CLN3: variants seen among roughly 807,000 people sequenced by gnomAD.
CLN3 encodes the protein battenin.
CLN3 carries 49 observed loss-of-function variants against 60.7 expected under a neutral mutation model. The ratio of observed to expected loss-of-function variants is 0.81; its 90% CI spans 0.64 to 1.02. The LOEUF (loss-of-function observed/expected upper bound fraction) is 1.02. Among genes scored for constraint, CLN3 ranks in the 50% least tolerant of loss-of-function variants. The pLI, the probability that CLN3 is intolerant of heterozygous loss-of-function variation, is 0.00. For missense variants in CLN3, 516 were observed against 557.4 expected (o/e 0.93, Z 0.75); for synonymous variants, 256 against 245.8 (o/e 1.04, Z -0.39).
At chr16:28,489,246 C>T (rs751504780) in intron 4 of CLN3, 44 bp downstream of exon 4, 2 of 1,485,280 alleles carry the variant, frequency 1.3e-6, no homozygotes, top group South Asian at 2.3e-5. Context: ...CCCTCATCTT[C>T]CCACAGGGAC....
Position 28,488,650 on chromosome 16 carries a change from G to C in CLN3, c.235C>G (p.Pro79Ala). The part of the protein sequence containing the change: ...SGNQSHVDPG[P>A]TPIPHNSSSR... ...GAGCTGTTGTGGGGGATCGGCGTTG[G>C]GCCTGGGTCCACCTAATGGGAGAAA... Residue 79 changes from proline to alanine, a missense_variant, in exon 5 of 16, where the codon CCA becomes GCA. Physicochemically the swap from Pro to Ala is conservative, Grantham distance 27. Transcript: ENST00000636147. The C allele has an allele frequency of 3.7e-6, 6 of 1,614,142 alleles. No individual in the cohort carries two copies. The highest frequency in any genetic ancestry group is 1.7e-5 in the Admixed American group (1 of 60,020).
downstream of CLN3, among the ~76,000 whole-genome samples, chr16:28,470,001 GATGACACAAATCAA>G (rs1231846466): frequency 8.1e-5 from 12 of 147,262 alleles, no homozygotes; most frequent in Admixed American, 6.7e-4. Context: ...CATCAAACCA[GATGACACAAATCAA>G]ATGACATTTC....
rs2046158549 is a variant in CLN3 at position 28,484,045 on chromosome 16, G to A, written c.751C>T (p.Gln251Ter). Residue 251 changes from glutamine to a stop codon, truncating the protein, a stop_gained, in exon 10 of 16, where the codon CAG (glutamine) becomes TAG (stop). Transcript: ENST00000636147. LOFTEE classifies it high-confidence loss of function. ...GEEEAESAAR[Q>*]PLIRTEAPES... ...GGGGCCTCGGTTCTTATGAGGGGCT[G>A]CCGGGCTGCGCTCTCTGCTTCTTCT... 4 of 1,612,298 alleles carry A rather than the reference G, an allele frequency of 2.5e-6. No individual in the cohort carries two copies. The highest frequency in any genetic ancestry group is 3.4e-6 in the Non-Finnish European group (4 of 1,179,274).
chr16:28,487,966 T>C (rs961209207), intron 5 of CLN3: 4 of 559,394 alleles, frequency 7.2e-6, no homozygotes, highest in African/African-American at 5.6e-5. Context: ...GGGAATATCA[T>C]AGCACCTAGC....
At chr16:28,488,462 A>C (rs2046258691) in intron 5 of CLN3, 129 bp downstream of exon 5, 2 of 779,500 alleles carry the variant, frequency 2.6e-6, no homozygotes, top group African/African-American at 3.4e-5. Flanking sequence ...AGTGTGAGCC[A>C]GTGCGCCCAG....
chr16:28,489,254 G>GACTA (rs1324065903), intron 4 of CLN3, 36 bp downstream of exon 4: 1 of 1,516,680 alleles, frequency 6.6e-7, no homozygotes, highest in South Asian at 1.1e-5. Context: ...TTCCCACAGG[G>GACTA]ACTAACCATG....
At chr16:28,488,980 CA>C (rs2046268560) in intron 4 of CLN3, among the ~76,000 whole-genome samples, 1 of 152,210 alleles carries the variant, frequency 6.6e-6, no homozygotes, top group Admixed American at 6.5e-5. Flanking sequence ...TGGCTCATTG[CA>C]ACTTCCACCT....
chr16:28,473,676 A>G (rs1226097074), downstream of CLN3, among the ~76,000 whole-genome samples: 1 of 152,254 alleles, frequency 6.6e-6, no homozygotes, highest in African/African-American at 2.4e-5. Flanking sequence ...TTTGCAAATC[A>G]TGTATCTTAT....
chr16:28,488,053 T>C, intron 5 of CLN3: 1 of 299,874 alleles, frequency 3.3e-6, no homozygotes, highest in Non-Finnish European at 6.5e-6. Flanking sequence ...TATATATATA[T>C]ATTTTGAGAG....
chr16:28,472,708 G>T (rs2045960699), downstream of CLN3, among the ~76,000 whole-genome samples: 1 of 151,208 alleles, frequency 6.6e-6, no homozygotes, highest in African/African-American at 2.4e-5. Flanking sequence ...TGGGTGTGGT[G>T]GCACACCCTT....
chr16:28,480,589 C>T lies in CLN3; in HGVS notation c.1056+1516G>A, dbSNP rs1418338952. Among the ~76,000 whole-genome samples, 7 of 151,880 alleles carry T rather than the reference C, an allele frequency of 4.6e-5. 1 individual carries two copies. Among genetic ancestry groups the T allele is most frequent in the Admixed American group, 3.3e-4 (5 of 15,200 alleles). On this transcript the variant is annotated intron_variant, in intron 14 of 15. Transcript: ENST00000636147. ...CTAATTTTTGCATTTTTAATAGAGA[C>T]GGGGTTTCACTGTGTTGGCCAGACT...
intron 14 of CLN3, among the ~76,000 whole-genome samples, chr16:28,478,631 A>AAAAAT (rs2046037241): frequency 6.6e-6 from 1 of 151,010 alleles, no homozygotes. Context: ...AAAAAAAAAA[A>AAAAAT]AAAAAAAAAA....
Position 28,484,132 on chromosome 16 carries a change from GA to G in CLN3, c.678-15del, listed in dbSNP as rs765347458. On this transcript the variant is annotated splice_polypyrimidine_tract_variant and intron_variant, in intron 9 of 15. Transcript: ENST00000636147. ...AACAAGAAATAGCTAGGAGTAGGAT[GA>G]AGGCAGGGTCAGAAAACCCTACTGG... 7 of 1,588,422 alleles carry G rather than the reference GA, an allele frequency of 4.4e-6. No individual in the cohort carries two copies.
chr16:28,487,841 A>G (rs1053288016), intron 5 of CLN3, 100 bp from the exon 6 acceptor site: 8 of 897,186 alleles, frequency 8.9e-6, no homozygotes, highest in Non-Finnish European at 1.4e-5. Flanking sequence ...CAGGCCTGCT[A>G]CAAACACAGG....
Position 28,491,717 on chromosome 16 carries a change from C to T in CLN3, c.43G>A (p.Glu15Lys), listed in dbSNP as rs1228953213. 1.2e-6 allele frequency: 2 copies of T among 1,614,048 alleles called. No homozygotes were observed. The highest frequency in any genetic ancestry group is 1.7e-6 in the Non-Finnish European group (2 of 1,180,008). The change falls in exon 2 of 16, where the codon GAG becomes AAG. Residue 15 changes from glutamate to lysine, a missense_variant. Glu to Lys is a moderately conservative substitution (Grantham distance 56). Coordinates refer to ENST00000636147, the MANE Select transcript of CLN3 (RefSeq NM_001042432.2). ...GAGGGTGGGCGGGAATACTCACCCT[C>T]GGAATCCGAAAAGCGCCGCCGCGAG... ...AGSRRRFSDS[E>K]GEETVPEPRL...
At chr16:28,483,943 G>C (rs1448416533) in intron 10 of CLN3, 63 bp downstream of exon 10, 1 of 1,189,326 alleles carries the variant, frequency 8.4e-7, no homozygotes, top group Non-Finnish European at 1.2e-6. Flanking sequence ...GCCTATTGCA[G>C]AGAGGAAAAG....
downstream of CLN3, chr16:28,469,965 C>G (rs2045932108): frequency 3.3e-6 from 1 of 301,720 alleles, no homozygotes; most frequent in South Asian, 2.9e-5. Flanking sequence ...GAGTGAGACT[C>G]TGTCTAAAAA....
intron 2 of CLN3, 29 bp from the exon 3 acceptor site, chr16:28,491,589 C>A: frequency 6.2e-7 from 1 of 1,613,646 alleles, no homozygotes; most frequent in East Asian, 2.2e-5. Context: ...GGCATGACCC[C>A]CACCTACTCT....
chr16:28,486,322 T>C lies in CLN3; in HGVS notation c.677+25A>G, dbSNP rs1442403807. On this transcript the variant is annotated intron_variant, in intron 9 of 15. Transcript: ENST00000636147. ...CAAGTTTTCTCTCCTTGGACCCCTCTCCCTCCCGGCTCAGGGCAGCTCACC... is the reference window on the plus strand; with the variant it reads ...CAAGTTTTCTCTCCTTGGACCCCTCCCCCTCCCGGCTCAGGGCAGCTCACC... 5.0e-6 allele frequency: 8 copies of C among 1,611,044 alleles called. No homozygotes were observed. In the African/African-American group the frequency reaches 6.7e-5, roughly 13 times the overall value.
Sources: allele counts gnomAD v4.1 joint callset (sites outside exome capture counted in the v4.1 genomes callset), GRCh38; gene constraint gnomAD v4.1.1; transcripts MANE v1.5; gene names NCBI Gene and HGNC (gene_info 2026-07-23, HGNC 2026-07-21).